Variants in FRYL observed in about 807,000 individuals in gnomAD.
The protein encoded by FRYL is FRY like transcription coactivator.
FRYL carries 150 observed loss-of-function variants against 351.2 expected under a neutral mutation model. That is an observed-to-expected ratio of 0.43 (90% CI 0.37 to 0.49). FRYL has a LOEUF of 0.49. FRYL is among the 20% of genes least tolerant of loss of function. The probability of loss-of-function intolerance (pLI) is 0.00; values close to 1 mark genes in which losing one functional copy is unlikely to be tolerated. For synonymous variants in FRYL, 1,153 were observed against 1,257.1 expected (o/e 0.92, Z 1.75); for missense variants, 3,036 against 3,619.3 (o/e 0.84, Z 4.13).
chr4:48,510,268 A>G (rs1312804136), intron 58 of FRYL, 111 bp from the exon 59 acceptor site: 1 of 772,324 alleles, frequency 1.3e-6, no homozygotes, highest in African/African-American at 1.7e-5. Flanking sequence ...GTTTTTGGAT[A>G]TTCTCTTAAC....
At chr4:48,758,065 C>G (rs917686225) in intron 1 of FRYL, among the ~76,000 whole-genome samples, 1 of 152,190 alleles carries the variant, frequency 6.6e-6, no homozygotes, top group Non-Finnish European at 1.5e-5. Context: ...CCCTTCCTTA[C>G]ACCTTATACA....
intron 28 of FRYL, among the ~76,000 whole-genome samples, chr4:48,566,483 GA>G (rs1049026290): frequency 6.6e-6 from 1 of 151,864 alleles, no homozygotes; most frequent in African/African-American, 2.4e-5. Context: ...AGAAAATTTC[GA>G]AAAAAATATG....
At chr4:48,630,340 C>T (rs973357916) in intron 4 of FRYL, among the ~76,000 whole-genome samples, 1 of 152,092 alleles carries the variant, frequency 6.6e-6, no homozygotes, top group Non-Finnish European at 1.5e-5. Flanking sequence ...ACTGACCATA[C>T]AGGGAGAAGA....
intron 26 of FRYL, chr4:48,571,574 ACAGAG>A (rs1412823964): frequency 2.5e-6 from 2 of 805,490 alleles, no homozygotes; most frequent in Non-Finnish European, 3.0e-6. Flanking sequence ...TTTTCATATT[ACAGAG>A]CAAATTAAAA....
At chr4:48,674,661 T>C (rs1203877955) in intron 3 of FRYL, among the ~76,000 whole-genome samples, 3 of 127,780 alleles carry the variant, frequency 2.3e-5, no homozygotes, top group Non-Finnish European at 4.7e-5. Flanking sequence ...GACGTGAACC[T>C]GGGAGGCGGA....
intron 2 of FRYL, among the ~76,000 whole-genome samples, chr4:48,687,509 A>AGGGGGGGGGGGGGGGGGGGGGGGG (rs1560861203): frequency 7.1e-4 from 7 of 9,808 alleles, no homozygotes; most frequent in Middle Eastern, 0.083. Flanking sequence ...GGGGGGGGTG[A>AGGGGGGGGGGGGGGGGGGGGGGGG]GGGGGGAGGG....
chr4:48,723,530 T>C (rs529696174), intron 1 of FRYL, among the ~76,000 whole-genome samples: 5 of 152,304 alleles, frequency 3.3e-5, no homozygotes, highest in African/African-American at 1.2e-4. Context: ...CTTATTTTAG[T>C]TGCTAATGCC....
intron 3 of FRYL, among the ~76,000 whole-genome samples, chr4:48,675,613 T>A (rs1205127617): frequency 6.6e-6 from 1 of 152,224 alleles, no homozygotes; most frequent in East Asian, 1.9e-4. Flanking sequence ...CTGCCATGCC[T>A]GAGCCTCCCA....
intron 2 of FRYL, among the ~76,000 whole-genome samples, chr4:48,702,450 T>TGA (rs1560880311): frequency 1.6e-5 from 1 of 64,260 alleles, no homozygotes; most frequent in African/African-American, 6.7e-5. Flanking sequence ...GGTGAGACTC[T>TGA]GTCTCAAAAA....
rs878996042 is a variant in FRYL, at chr4:48,576,051, G to A, written c.2700C>T (p.Ser900=). 1.9e-6 allele frequency: 3 copies of A among 1,608,810 alleles called. No individual in the cohort carries two copies. Among genetic ancestry groups the A allele is most frequent in the Non-Finnish European group, 2.5e-6 (3 of 1,177,994 alleles). The change falls in exon 24 of 64, where the codon AGC becomes AGT. Residue 900 remains serine (S), a synonymous_variant. Coordinates refer to ENST00000358350, the MANE Select transcript of FRYL (RefSeq NM_015030.2). ...PPETLASTPD[S]GYSIDSKIIG... ...TTACTTTAGAATCAATGCTATAGCCGCTATCTGGGGTAGACGCCAGCGTCT... is the reference window on the plus strand; with the variant it reads ...TTACTTTAGAATCAATGCTATAGCCACTATCTGGGGTAGACGCCAGCGTCT...
intron 20 of FRYL, among the ~76,000 whole-genome samples, chr4:48,581,947 C>T (rs1741018532): frequency 6.6e-6 from 1 of 152,156 alleles, no homozygotes. Context: ...CCTGGCAATA[C>T]CTGAGAGCTT....
At chr4:48,652,622 A>G (rs1757951745) in intron 3 of FRYL, among the ~76,000 whole-genome samples, 1 of 152,240 alleles carries the variant, frequency 6.6e-6, no homozygotes, top group African/African-American at 2.4e-5. Context: ...TAAATGCAGT[A>G]TATTTGGCTG....
At chr4:48,586,828 A>G (rs1328469496) in intron 18 of FRYL, 100 bp from the exon 19 acceptor site, 1 of 701,312 alleles carries the variant, frequency 1.4e-6, no homozygotes, top group African/African-American at 1.9e-5. Flanking sequence ...GTCCTCCCCT[A>G]AAGTTCAATG....
At chr4:48,646,594 G>A (rs1370889924) in intron 3 of FRYL, among the ~76,000 whole-genome samples, 1 of 152,164 alleles carries the variant, frequency 6.6e-6, no homozygotes, top group Non-Finnish European at 1.5e-5. Flanking sequence ...ATGTGACAAT[G>A]CAACTGCAAA....
At chr4:48,511,405 G>A (rs1025058139) in intron 57 of FRYL, among the ~76,000 whole-genome samples, 7 of 151,926 alleles carry the variant, frequency 4.6e-5, no homozygotes, top group Non-Finnish European at 1.0e-4. Flanking sequence ...TTAACTTTAG[G>A]TAAAGTCATA....
At chr4:48,505,691 A>C in intron 59 of FRYL, 76 bp from the exon 60 acceptor site, 1 of 867,280 alleles carries the variant, frequency 1.2e-6, no homozygotes, top group Non-Finnish European at 1.9e-6. Flanking sequence ...ATACAACACC[A>C]AACTTAAAGT....
intron 1 of FRYL, among the ~76,000 whole-genome samples, chr4:48,753,968 T>C (rs988285214): frequency 2.6e-5 from 4 of 152,204 alleles, no homozygotes; most frequent in African/African-American, 9.6e-5. Flanking sequence ...ACCATAAATG[T>C]AAAGACTTAT....
At chr4:48,512,722 T>C in intron 56 of FRYL, 34 bp from the exon 57 acceptor site, 2 of 1,492,444 alleles carry the variant, frequency 1.3e-6, no homozygotes, top group African/African-American at 1.4e-5. Flanking sequence ...ATCATAACAC[T>C]ATCTCAGAAA....
intron 4 of FRYL, among the ~76,000 whole-genome samples, chr4:48,626,782 G>C (rs1411419017): frequency 1.7e-4 from 26 of 152,030 alleles, no homozygotes; most frequent in Admixed American, 1.7e-3. Context: ...CTATCCAGTA[G>C]TCCCAATTTT....
Sources: gnomAD v4.1 joint callset for allele counts (sites outside exome capture counted in the v4.1 genomes callset) on GRCh38, gnomAD v4.1.1 for gene constraint, MANE v1.5 for transcripts, NCBI Gene and HGNC (gene_info 2026-07-23, HGNC 2026-07-21) for gene names.